Variants in TUBB8 observed in about 807,000 individuals in gnomAD.
TUBB8 encodes the protein tubulin beta-8 chain.
In TUBB8, 25 loss-of-function variants were observed where a neutral mutation model predicts 33.7. That is an observed-to-expected ratio of 0.74 (90% CI 0.54 to 1.04). TUBB8 has a LOEUF of 1.04. TUBB8 is among the 50% of genes least tolerant of loss of function. The pLI is 0.00. For synonymous variants in TUBB8, 245 were observed against 240.1 expected (o/e 1.02, Z -0.19); for missense variants, 279 against 608.0 (o/e 0.46, Z 5.69).
rs782232265 is a variant in TUBB8, at chr10:47,471, G to C, written c.921C>G (p.His307Gln). The part of the protein sequence containing the change: ...KNMMAACDPR[H>Q]GRYLTAAAIF... Reference sequence around the variant, plus strand: ...TGGCAGCCGCCGTTAGGTAGCGGCCGTGACGGGGGTCACAGGCAGCCATCA... The same window carrying C: ...TGGCAGCCGCCGTTAGGTAGCGGCCCTGACGGGGGTCACAGGCAGCCATCA... The change falls in exon 4 of 4, where the codon CAC becomes CAG. Residue 307 changes from histidine (H) to glutamine (Q), a missense_variant. By Grantham distance (24) the His-to-Gln change is conservative (BLOSUM62 0). Coordinates refer to ENST00000568584, the MANE Select transcript of TUBB8 (RefSeq NM_177987.3). 6.2e-7 allele frequency: 1 copy of C among 1,611,856 alleles called. No homozygotes were observed. Among genetic ancestry groups the C allele is most frequent in the Non-Finnish European group, 8.5e-7 (1 of 1,179,988 alleles).
intron 1 of TUBB8, among the ~76,000 whole-genome samples, chr10:65,969 TA>T (rs1554741568): frequency 6.6e-6 from 1 of 152,232 alleles, no homozygotes; most frequent in East Asian, 1.9e-4. Flanking sequence ...CATTTCATCA[TA>T]AAAACACCCA....
At chr10:65,086 T>C (rs1554741415) in intron 1 of TUBB8, among the ~76,000 whole-genome samples, 1 of 152,130 alleles carries the variant, frequency 6.6e-6, no homozygotes, top group Non-Finnish European at 1.5e-5. Flanking sequence ...AGTTGGAGGT[T>C]GCTATAAGCC....
upstream of TUBB8, among the ~76,000 whole-genome samples, chr10:52,828 G>C (rs1467144945): frequency 6.6e-6 from 1 of 152,184 alleles, no homozygotes; most frequent in Non-Finnish European, 1.5e-5. Flanking sequence ...TGAGTACCTA[G>C]CTACTCATAT....
upstream of TUBB8, among the ~76,000 whole-genome samples, chr10:75,064 G>A (rs548977401): frequency 7.0e-6 from 1 of 141,946 alleles, no homozygotes; most frequent in Admixed American, 7.1e-5. Context: ...TAGTAGAGAC[G>A]GGGTTTTGCC....
chr10:56,594 C>T (rs75656522), intron 1 of TUBB8, among the ~76,000 whole-genome samples: 4 of 149,834 alleles, frequency 2.7e-5, no homozygotes, highest in East Asian at 1.9e-4. Context: ...GGAAGTGCTA[C>T]GCACTTGTAG....
chr10:53,349 A>G (rs1353334788), upstream of TUBB8, among the ~76,000 whole-genome samples: 10 of 152,172 alleles, frequency 6.6e-5, no homozygotes, highest in African/African-American at 2.4e-4. Flanking sequence ...GCTGGTCTCA[A>G]ACCCCTGACA....
At chr10:67,203 C>T (rs1372229013) in intron 1 of TUBB8, among the ~76,000 whole-genome samples, 15 of 144,184 alleles carry the variant, frequency 1.0e-4, no homozygotes, top group African/African-American at 2.3e-4. Flanking sequence ...CTTGATATTT[C>T]GTATAAATGA....
intron 1 of TUBB8, among the ~76,000 whole-genome samples, chr10:66,047 C>T (rs1465296674): frequency 6.6e-6 from 1 of 152,184 alleles, no homozygotes; most frequent in African/African-American, 2.4e-5. Context: ...ATTGTCAGGG[C>T]CCAGTGCTTT....
intron 1 of TUBB8, among the ~76,000 whole-genome samples, chr10:57,607 GC>G (rs1554740326): frequency 3.3e-5 from 5 of 152,160 alleles, no homozygotes; most frequent in Non-Finnish European, 7.3e-5. Context: ...TTGTAACTGG[GC>G]CAATTTGTGC....
intron 1 of TUBB8, among the ~76,000 whole-genome samples, chr10:63,231 G>A (rs552038649): frequency 4.6e-5 from 7 of 152,148 alleles, no homozygotes; most frequent in East Asian, 3.9e-4. Flanking sequence ...CCACCACCGC[G>A]CCCAGCTAAT....
At chr10:62,175 T>C (rs1391649469) in intron 1 of TUBB8, among the ~76,000 whole-genome samples, 8 of 152,222 alleles carry the variant, frequency 5.3e-5, no homozygotes, top group African/African-American at 1.9e-4. Flanking sequence ...CGTTCTTTTC[T>C]TTCTTCCTGT....
chr10:48,609 G>C lies in TUBB8; in HGVS notation c.277+6C>G. 6.2e-7 allele frequency: 1 copy of C among 1,611,118 alleles called. No individual in the cohort carries two copies. On this transcript the variant is annotated splice_donor_region_variant and intron_variant, in intron 3 of 3. Coordinates refer to ENST00000568584, the MANE Select transcript of TUBB8 (RefSeq NM_177987.3). ...AGCCGCACCCCAGTCCTCGCCCGCAGCTCACCGAAGATGAAGTTGTCTGGC... is the reference window on the plus strand; with the variant it reads ...AGCCGCACCCCAGTCCTCGCCCGCACCTCACCGAAGATGAAGTTGTCTGGC...
Position 47,066 on chromosome 10 carries a change from CTCCTCCTCGGCATACTCCTCA to C in TUBB8, c.1305_1325del (p.Asp435_Glu441del), listed in dbSNP as rs1554737947. On this transcript the variant is annotated inframe_deletion, in exon 4 of 4. Coordinates refer to ENST00000568584, the MANE Select transcript of TUBB8 (RefSeq NM_177987.3). The stretch of plus-strand genomic sequence containing the variant: ...CTAGAAAAGGAGAGTTCTAGGCCAC[CTCCTCCTCGGCATACTCCTCA>C]TCCTCCTCCTCCTCGGCCGTGGCAT... 5 of 1,149,022 alleles carry C rather than the reference CTCCTCCTCGGCATACTCCTCA, an allele frequency of 4.4e-6. No individual in the cohort carries two copies. Among genetic ancestry groups the C allele is most frequent in the Admixed American group, 1.9e-5 (1 of 53,876 alleles). 71.2% of individuals were successfully genotyped at this position (1,149,022 alleles called of 1,614,324 possible).
At position 56,793 on chromosome 10, in the gene TUBB8, C is replaced by A. The variant is rs1588276408; in HGVS notation, c.-845-6560G>T. 2.0e-5 allele frequency among the ~76,000 whole-genome samples: 3 copies of A among 152,280 alleles called. 1 individual carries two copies. In the South Asian group the frequency reaches 6.2e-4, roughly 32 times the overall value. On this transcript the variant is annotated intron_variant, in intron 1 of 3. Coordinates refer to the TUBB8 transcript ENST00000564130. ...ACACCTAAACTATATCATTTTGCCC[C>A]TGGCCATTCCAAATCTCATATCCTT...
intron 1 of TUBB8, among the ~76,000 whole-genome samples, chr10:66,155 A>G (rs1834667999): frequency 6.6e-6 from 1 of 152,254 alleles, no homozygotes; most frequent in Non-Finnish European, 1.5e-5. Context: ...AGAGAAAAAG[A>G]AGTAAAGAGA....
upstream of TUBB8, chr10:49,443 G>A (rs1431181137): frequency 5.1e-5 from 32 of 623,778 alleles, no homozygotes; most frequent in Middle Eastern, 1.8e-3. Context: ...CTGTTGGAAA[G>A]CTCAGGTGTC....
At chr10:69,227 T>C (rs1834707674) in intron 1 of TUBB8, among the ~76,000 whole-genome samples, 1 of 152,224 alleles carries the variant, frequency 6.6e-6, no homozygotes, top group African/African-American at 2.4e-5. Context: ...CCTTCCTGCA[T>C]GCTGCCCTTT....
intron 1 of TUBB8, among the ~76,000 whole-genome samples, chr10:66,925 A>T (rs2130948774): frequency 6.6e-6 from 1 of 152,316 alleles, no homozygotes; most frequent in East Asian, 1.9e-4. Flanking sequence ...GTGAGCCATG[A>T]TTGTGCCACA....
chr10:53,821 G>A (rs61840064), upstream of TUBB8, among the ~76,000 whole-genome samples: 32,919 of 151,152 alleles, frequency 0.22, 264 homozygotes, highest in Non-Finnish European at 0.3. Flanking sequence ...ACATTCCAAA[G>A]TTAACCTGAA....
Sources: gnomAD v4.1 joint callset for allele counts (sites outside exome capture counted in the v4.1 genomes callset) on GRCh38, gnomAD v4.1.1 for gene constraint, MANE v1.5 for transcripts, NCBI Gene and HGNC (gene_info 2026-07-23, HGNC 2026-07-21) for gene names.